Variants in RASAL3 observed in about 807,000 individuals in gnomAD.
RASAL3 encodes the protein RAS protein activator like-3.
In RASAL3, 74 loss-of-function variants were observed where a neutral mutation model predicts 105.5. The observed-to-expected ratio is 0.70, with a 90% CI of 0.58 to 0.85. The LOEUF is 0.85. Among genes scored for constraint, RASAL3 ranks in the 40% least tolerant of loss-of-function variants. The pLI is 0.00. For synonymous variants in RASAL3, 579 were observed against 591.6 expected (o/e 0.98, Z 0.31); for missense variants, 1,352 against 1,392.0 (o/e 0.97, Z 0.46).
intron 16 of RASAL3, 105 bp from the exon 17 acceptor site, chr19:15,452,213 C>G (rs1012176914): frequency 8.8e-7 from 1 of 1,132,184 alleles, no homozygotes; most frequent in East Asian, 2.3e-5. Flanking sequence ...GGAGTGGAGG[C>G]GGAGCTTGTC....
Position 15,457,996 on chromosome 19 carries a change from T to C in RASAL3, c.889-162A>G. 1.2e-6 allele frequency: 1 copy of C among 821,994 alleles called. No homozygotes were observed. Among genetic ancestry groups the C allele is most frequent in the Non-Finnish European group, 1.9e-6 (1 of 534,170 alleles). The allele number at this position is 821,994 out of a possible 1,614,324, so 50.9% of individuals were successfully genotyped here. On this transcript the variant is annotated intron_variant, in intron 8 of 17. Transcript: ENST00000343625. This position sits in a 1 kb window ranked among gnomAD's most constrained non-coding sequence, Gnocchi z 8.6. Reference sequence around the variant, plus strand: ...TGGAGCCACGGGAGTCCGGAGGCGGTTACGCGGAAGTCTTCTAGCTTTTCT... The same window carrying C: ...TGGAGCCACGGGAGTCCGGAGGCGGCTACGCGGAAGTCTTCTAGCTTTTCT...
At position 15,454,375 on chromosome 19, in the gene RASAL3, CA is replaced by C; in HGVS notation, c.2145del (p.Phe715LeufsTer128). 6.2e-7 allele frequency: 1 copy of C among 1,612,282 alleles called. No homozygotes were observed. Among genetic ancestry groups the C allele is most frequent in the Non-Finnish European group, 8.5e-7 (1 of 1,179,048 alleles). ...TCAGGCCATACCTGGTCAAGCTCAG[CA>C]AAAATTGTACAGAGCTGGGCATGCA... is the stretch of plus-strand genomic sequence containing the variant. ...AVLHAQLCTIFAELDQTTRDT... is the reference protein window; with the variant it reads ...AVLHAQLCTIXAELDQTTRDT... On this transcript the variant is annotated frameshift_variant, in exon 13 of 18. Coordinates refer to ENST00000343625, the MANE Select transcript of RASAL3 (RefSeq NM_022904.3). LOFTEE classifies it high-confidence loss of function.
chr19:15,458,090 G>A (rs1270088097), intron 8 of RASAL3: 5 of 627,118 alleles, frequency 8.0e-6, no homozygotes, highest in Non-Finnish European at 1.4e-5. Context: ...CTTCGCGATT[G>A]CCTGGCAGGC....
chr19:15,456,312 C>T lies in RASAL3; in HGVS notation c.1577-64G>A. ...ACCACCAAAACCTGCCACACCCATC[C>T]TCCAACCTTGTCTTCAGGTTATTCC... On this transcript the variant is annotated intron_variant, in intron 10 of 17. Coordinates refer to ENST00000343625, the MANE Select transcript of RASAL3 (RefSeq NM_022904.3). The surrounding 1 kb of genome is among the most constrained non-coding windows in gnomAD (Gnocchi z 4.4). 2 of 1,589,228 alleles carry T rather than the reference C, an allele frequency of 1.3e-6. No individual in the cohort carries two copies. The highest frequency in any genetic ancestry group is 2.2e-5 in the East Asian group (1 of 44,454).
Position 15,453,955 on chromosome 19 carries a change from C to G in RASAL3, c.2279+194G>C. 6.6e-6 allele frequency among the ~76,000 whole-genome samples: 1 copy of G among 152,122 alleles called. No homozygotes were observed. The highest frequency in any genetic ancestry group is 1.5e-5 in the Non-Finnish European group (1 of 68,036). On this transcript the variant is annotated intron_variant, in intron 14 of 17. Transcript: ENST00000343625. The surrounding 1 kb of genome is among the most constrained non-coding windows in gnomAD (Gnocchi z 4.2). Reference sequence around the variant, plus strand: ...CTCTATGACCCTTGACATCTCTCCACCCTAACCTCTCCTCTCATCCCCGAC... The same window carrying G: ...CTCTATGACCCTTGACATCTCTCCAGCCTAACCTCTCCTCTCATCCCCGAC...
At position 15,456,133 on chromosome 19, in the gene RASAL3, C is replaced by G; in HGVS notation, c.1692G>C (p.Glu564Asp). Reference sequence around the variant, plus strand: ...AGGAATGGATAATGGTTTCGAAGACCTCCTCGCAGCTGTTCCGAAGTCTGG... The same window carrying G: ...AGGAATGGATAATGGTTTCGAAGACGTCCTCGCAGCTGTTCCGAAGTCTGG... ...HQARLRNSCE[E>D]VFETIIHSYD... The change falls in exon 11 of 18, where the codon GAG (glutamate) becomes GAC (aspartate). Residue 564 changes from glutamate (E) to aspartate (D), a missense_variant. Physicochemically the swap from Glu to Asp is conservative, Grantham distance 45 (BLOSUM62 2). Coordinates refer to ENST00000343625, the MANE Select transcript of RASAL3 (RefSeq NM_022904.3). This position sits in a 1 kb window ranked among gnomAD's most constrained non-coding sequence, Gnocchi z 4.4. 6.2e-7 allele frequency: 1 copy of G among 1,613,830 alleles called. No homozygotes were observed. The highest frequency in any genetic ancestry group is 8.5e-7 in the Non-Finnish European group (1 of 1,179,814).
At chr19:15,460,018 G>C (rs1193722088) in intron 6 of RASAL3, among the ~76,000 whole-genome samples, 185 bp downstream of exon 6, 3 of 152,182 alleles carry the variant, frequency 2.0e-5, no homozygotes, top group Non-Finnish European at 4.4e-5. Context: ...TAGAGTTATT[G>C]TGTCAGACTT....
At chr19:15,463,775 T>C (rs960849380) in intron 2 of RASAL3, among the ~76,000 whole-genome samples, 7 of 152,128 alleles carry the variant, frequency 4.6e-5, no homozygotes, top group Admixed American at 4.6e-4. Context: ...GTTTAGCCTC[T>C]GGACAATACT....
chr19:15,451,735 C>G lies in RASAL3; in HGVS notation c.*60G>C. The G allele has an allele frequency of 6.5e-7, 1 of 1,534,210 alleles. No homozygotes were observed. On this transcript the variant is annotated 3_prime_UTR_variant, in exon 18 of 18. Coordinates refer to ENST00000343625, the MANE Select transcript of RASAL3 (RefSeq NM_022904.3). ...TAGGGCTAAGGCAAAGTCAGACACC[C>G]CCCCTAAGATGGCTATCTCTCTGCT... is the stretch of plus-strand genomic sequence containing the variant.
Position 15,452,794 on chromosome 19 carries a change from C to T in RASAL3, c.2692G>A (p.Val898Met), listed in dbSNP as rs1970199909. ...TTCTGCTCCTCACGCAGAGCGGCCA[C>T]CTCGCACTGCAGCTCTGCCAACTGT... The part of the protein sequence containing the change: ...VNKLAELQCE[V>M]AALREEQKVL... The change falls in exon 16 of 18, where the codon GTG becomes ATG. Residue 898 changes from valine (V) to methionine (M), a missense_variant. This residue lies in a region of RASAL3 where 920 missense variants were observed against 919.6 expected (regional missense o/e 1.00). Transcript: ENST00000343625. The T allele has an allele frequency of 2.6e-6, 4 of 1,560,326 alleles. No homozygotes were observed. Among genetic ancestry groups the T allele is most frequent in the Non-Finnish European group, 3.5e-6 (4 of 1,151,756 alleles).
At position 15,457,037 on chromosome 19, in the gene RASAL3, A is replaced by C; in HGVS notation, c.1431+255T>G. ...AGGTGCAGCTCAGCCCCAGCCCCTC[A>C]CAGCTGACGCTCAGGTCCCGCCCTT... is the stretch of plus-strand genomic sequence containing the variant. On this transcript the variant is annotated intron_variant, in intron 9 of 17. Transcript: ENST00000343625. The surrounding 1 kb of genome is among the most constrained non-coding windows in gnomAD (Gnocchi z 8.6). The C allele has an allele frequency of 2.5e-6, 1 of 407,276 alleles. No individual in the cohort carries two copies. 25.2% of individuals were successfully genotyped at this position (407,276 alleles called of 1,614,324 possible). A position where few individuals can be genotyped will look rare whatever the true frequency, so the allele number is the denominator to read the frequency against.
rs1041297768 is a variant in RASAL3, at chr19:15,457,173, C to T, written c.1431+119G>A. The T allele has an allele frequency of 2.3e-6, 2 of 883,340 alleles. No individual in the cohort carries two copies. Among genetic ancestry groups the T allele is most frequent in the Non-Finnish European group, 3.0e-6 (2 of 666,968 alleles). The allele number at this position is 883,340 out of a possible 1,614,324, so 54.7% of individuals were successfully genotyped here. On this transcript the variant is annotated intron_variant, in intron 9 of 17. Transcript: ENST00000343625. The surrounding 1 kb of genome is among the most constrained non-coding windows in gnomAD (Gnocchi z 8.6). ...GACACTTGGACCACGCCCCTCACAC[C>T]CCTTCAAGGTGTCTCCCCCATTACA...
At chr19:15,458,158 C>T (rs868760041) in intron 8 of RASAL3, 170 bp downstream of exon 8, 10 of 676,280 alleles carry the variant, frequency 1.5e-5, no homozygotes, top group South Asian at 3.6e-5. Flanking sequence ...CTGATATTCC[C>T]GGGGCTGGTA....
intron 5 of RASAL3, among the ~76,000 whole-genome samples, chr19:15,460,582 A>G (rs1032694274): frequency 6.6e-6 from 1 of 152,018 alleles, no homozygotes; most frequent in African/African-American, 2.4e-5. Context: ...GGGACTTGCT[A>G]TGTTGCCCAG....
chr19:15,458,699 C>A, intron 6 of RASAL3, 44 bp from the exon 7 acceptor site: 1 of 1,595,232 alleles, frequency 6.3e-7, no homozygotes, highest in Non-Finnish European at 8.5e-7. Context: ...CTGCCTCTTC[C>A]CCATCCCCCA....
chr19:15,453,601 C>CTTTT lies in RASAL3; in HGVS notation c.2280-108_2280-105dup. On this transcript the variant is annotated intron_variant, in intron 14 of 17. Coordinates refer to ENST00000343625, the MANE Select transcript of RASAL3 (RefSeq NM_022904.3). The surrounding 1 kb of genome is among the most constrained non-coding windows in gnomAD (Gnocchi z 4.2). ...CACCCCCCACGTGAACTTGTCCTTTCTTTTTTTTTTTTGAGACAAGGTCTT... is the reference window on the plus strand; with the variant it reads ...CACCCCCCACGTGAACTTGTCCTTTCTTTTTTTTTTTTTTTTGAGACAAGGTCTT... 4 of 966,998 alleles carry CTTTT rather than the reference C, an allele frequency of 4.1e-6. No individual in the cohort carries two copies. Among genetic ancestry groups the CTTTT allele is most frequent in the African/African-American group, 1.8e-5 (1 of 55,406 alleles). 59.9% of individuals were successfully genotyped at this position (966,998 alleles called of 1,614,324 possible). A position where few individuals can be genotyped will look rare whatever the true frequency, so the allele number is the denominator to read the frequency against.
Position 15,456,121 on chromosome 19 carries a change from G to A in RASAL3, c.1704C>T (p.Thr568=), listed in dbSNP as rs967394057. ...LRNSCEEVFE[T]IIHSYDWFPA... is the part of the protein sequence containing the mutation. ...ATTCTCACTCGTAGGAATGGATAAT[G>A]GTTTCGAAGACCTCCTCGCAGCTGT... Residue 568 remains threonine, a synonymous_variant, in exon 11 of 18, where the codon ACC becomes ACT. Transcript: ENST00000343625. This position sits in a 1 kb window ranked among gnomAD's most constrained non-coding sequence, Gnocchi z 4.4. The A allele has an allele frequency of 6.2e-7, 1 of 1,613,784 alleles. No individual in the cohort carries two copies. Among genetic ancestry groups the A allele is most frequent in the South Asian group, 1.1e-5 (1 of 91,084 alleles).
rs113274252 is a variant in RASAL3 at position 15,458,938 on chromosome 19, CTATTTATTTATT to C, written c.663-295_663-284del. Among the ~76,000 whole-genome samples, 33 of 150,878 alleles carry C rather than the reference CTATTTATTTATT, an allele frequency of 2.2e-4. 1 individual carries two copies. Among genetic ancestry groups the C allele is most frequent in the African/African-American group, 7.3e-4 (30 of 41,000 alleles). On this transcript the variant is annotated intron_variant, in intron 6 of 17. Coordinates refer to ENST00000343625, the MANE Select transcript of RASAL3 (RefSeq NM_022904.3). Reference sequence around the variant, plus strand: ...CTCCCTGGCCTTGTTTTATTTTATCCTATTTATTTATTTATTTATTTATTTGAGACAGAGTCT... The same window carrying C: ...CTCCCTGGCCTTGTTTTATTTTATCCTATTTATTTATTTGAGACAGAGTCT...
intron 15 of RASAL3, 51 bp from the exon 16 acceptor site, chr19:15,452,866 TC>T: frequency 6.7e-7 from 1 of 1,487,714 alleles, no homozygotes. Context: ...CCCCTGTGTC[TC>T]CCCGGAGACC....
Sources: allele counts gnomAD v4.1 joint callset (sites outside exome capture counted in the v4.1 genomes callset), GRCh38; gene constraint gnomAD v4.1.1; regional missense constraint gnomAD v4.1.1; non-coding constraint Gnocchi (gnomAD v3.1); transcripts MANE v1.5; gene names NCBI Gene and HGNC (gene_info 2026-07-23, HGNC 2026-07-21).